ACSL5: variants seen among roughly 807,000 people sequenced by gnomAD.
The protein encoded by ACSL5 is acyl-CoA synthetase long chain family member 5.
In ACSL5, 50 loss-of-function variants were observed where a neutral mutation model predicts 84.9. The ratio of observed to expected loss-of-function variants is 0.59; its 90% CI spans 0.47 to 0.75. The LOEUF is 0.75. ACSL5 is among the 30% of genes least tolerant of loss of function. The pLI is 0.00. For missense variants in ACSL5, 775 were observed against 830.4 expected (o/e 0.93, Z 0.82); for synonymous variants, 280 against 300.7 (o/e 0.93, Z 0.71).
At position 112,427,976 on chromosome 10, in the gene ACSL5, C is replaced by T. The variant is rs901718948; in HGVS notation, c.*618C>T. The T allele has an allele frequency of 5.8e-5, 9 of 154,788 alleles. No individual in the cohort carries two copies. The highest frequency in any genetic ancestry group is 1.9e-4 in the African/African-American group (8 of 41,584). 9.6% of individuals were successfully genotyped at this position (154,788 alleles called of 1,614,324 possible). A position where few individuals can be genotyped will look rare whatever the true frequency, so the allele number is the denominator to read the frequency against. On this transcript the variant is annotated 3_prime_UTR_variant, in exon 21 of 21. Coordinates refer to ENST00000354655, the MANE Select transcript of ACSL5 (RefSeq NM_203379.2). ...TTGATCATACCAAACATTTCCTAAA[C>T]TCTCTAGTTAGATATCTGACTTGGG...
chr10:112,396,810 G>T (rs1243762212), intron 2 of ACSL5, among the ~76,000 whole-genome samples: 1 of 151,990 alleles, frequency 6.6e-6, no homozygotes, highest in Non-Finnish European at 1.5e-5. Flanking sequence ...CCTTGACTAG[G>T]CACTTAAACA....
intron 1 of ACSL5, among the ~76,000 whole-genome samples, chr10:112,392,788 A>G (rs1843672211): frequency 6.6e-6 from 1 of 151,686 alleles, no homozygotes; most frequent in African/African-American, 2.4e-5. Context: ...GGTGGCACAC[A>G]CCTGTAGTCC....
In ACSL5 at chr10:112,406,257, G is replaced by A. The variant is rs552796823; in HGVS notation, c.432+1451G>A. On this transcript the variant is annotated intron_variant, in intron 5 of 20. Transcript: ENST00000354655. Reference sequence around the variant, plus strand: ...TGTCAGCAGGTTTAGCTTCTCCCGAGGCCTCTCTCCTTGACTTGTAGACAG... The same window carrying A: ...TGTCAGCAGGTTTAGCTTCTCCCGAAGCCTCTCTCCTTGACTTGTAGACAG... The A allele has an allele frequency of 2.6e-5, 4 of 152,236 alleles. No individual in the cohort carries two copies. The Middle Eastern group carries it at 0.014, about 514-fold the overall frequency. 9.4% of individuals were successfully genotyped at this position (152,236 alleles called of 1,614,324 possible). A position where few individuals can be genotyped will look rare whatever the true frequency, so the allele number is the denominator to read the frequency against.
chr10:112,410,536 A>C, intron 8 of ACSL5, 41 bp downstream of exon 8: 1 of 1,614,150 alleles, frequency 6.2e-7, no homozygotes, highest in Non-Finnish European at 8.5e-7. Context: ...TGCCATAGTC[A>C]ACTCTCAAAG....
At chr10:112,408,295 T>C (rs1413360589) in intron 5 of ACSL5, 127 bp from the exon 6 acceptor site, 1 of 586,248 alleles carries the variant, frequency 1.7e-6, no homozygotes, top group African/African-American at 2.2e-5. Flanking sequence ...TGAGGCACTG[T>C]CTCAAAAAAA....
intron 3 of ACSL5, among the ~76,000 whole-genome samples, chr10:112,402,579 G>A (rs1843933899): frequency 6.6e-6 from 1 of 152,140 alleles, no homozygotes; most frequent in African/African-American, 2.4e-5. Context: ...TCATGCAGCT[G>A]TTTCAATTGG....
chr10:112,423,686 T>C (rs1844564580), intron 17 of ACSL5, among the ~76,000 whole-genome samples: 2 of 152,162 alleles, frequency 1.3e-5, no homozygotes, highest in South Asian at 4.1e-4. Flanking sequence ...CAGGTAGACC[T>C]GCACATCAGA....
intron 3 of ACSL5, among the ~76,000 whole-genome samples, chr10:112,400,544 G>T (rs1381259798): frequency 6.6e-6 from 1 of 151,636 alleles, no homozygotes; most frequent in Non-Finnish European, 1.5e-5. Flanking sequence ...GAGTAGCTGG[G>T]ATTACAGGCA....
chr10:112,408,482 A>C lies in ACSL5; in HGVS notation c.493A>C (p.Thr165Pro). 6.2e-7 allele frequency: 1 copy of C among 1,613,662 alleles called. No individual in the cohort carries two copies. The highest frequency in any genetic ancestry group is 8.5e-7 in the Non-Finnish European group (1 of 1,179,596). Reference sequence around the variant, plus strand: ...TATGGTAGCTGTACCTCTGTATGACACCTTGGGACCAGAAGCCATCGTACA... The same window carrying C: ...TATGGTAGCTGTACCTCTGTATGACCCCTTGGGACCAGAAGCCATCGTACA... ...YSMVAVPLYD[T>P]LGPEAIVHIV... Residue 165 changes from threonine (T) to proline (P), a missense_variant, in exon 6 of 21, where the codon ACC (threonine) becomes CCC (proline). Thr to Pro is a conservative substitution (Grantham distance 38). Coordinates refer to ENST00000354655, the MANE Select transcript of ACSL5 (RefSeq NM_203379.2).
intron 11 of ACSL5, 104 bp downstream of exon 11, chr10:112,412,083 G>A (rs946010549): frequency 1.7e-6 from 2 of 1,200,410 alleles, no homozygotes; most frequent in African/African-American, 3.0e-5. Flanking sequence ...TCTTTCTCCG[G>A]TGTGAGAGGT....
intron 1 of ACSL5, among the ~76,000 whole-genome samples, chr10:112,378,809 C>T (rs542168864): frequency 6.6e-6 from 1 of 152,206 alleles, no homozygotes; most frequent in Non-Finnish European, 1.5e-5. Context: ...AAGGGACTCT[C>T]TCACCAACTT....
At chr10:112,416,199 T>C (rs111776869) in intron 12 of ACSL5, among the ~76,000 whole-genome samples, 2,776 of 152,054 alleles carry the variant, frequency 0.018, 34 homozygotes, top group Non-Finnish European at 0.029. Context: ...GGGCCGGGCG[T>C]GGTGGCTCAC....
At position 112,394,899 on chromosome 10, in the gene ACSL5, C is replaced by G; in HGVS notation, c.-29-19C>G. 1.2e-6 allele frequency: 2 copies of G among 1,608,552 alleles called. No homozygotes were observed. The highest frequency in any genetic ancestry group is 1.7e-6 in the Non-Finnish European group (2 of 1,178,656). ...TGGCCATTTCCTCTAAATTTTCTTT[C>G]CCCTGTTTTTTTTTTAAGGTCTGAA... is the stretch of plus-strand genomic sequence containing the variant. On this transcript the variant is annotated intron_variant, in intron 1 of 20. Coordinates refer to ENST00000354655, the MANE Select transcript of ACSL5 (RefSeq NM_203379.2).
At chr10:112,392,905 A>G (rs7097655) in intron 1 of ACSL5, among the ~76,000 whole-genome samples, 1,880 of 152,108 alleles carry the variant, frequency 0.012, 35 homozygotes, top group African/African-American at 0.043. Flanking sequence ...ACAGAGTAAG[A>G]CCGTGTCTCA....
chr10:112,421,582 T>C lies in ACSL5; in HGVS notation c.1315-11T>C, dbSNP rs183658391. On this transcript the variant is annotated splice_polypyrimidine_tract_variant and intron_variant, in intron 14 of 20. Transcript: ENST00000354655. ...TTGAGTAAGTCTAAAAGCTCTTCTT[T>C]GGTTTCCCAGGTGTATGAAGCTTAT... 51 of 1,613,588 alleles carry C rather than the reference T, an allele frequency of 3.2e-5. No individual in the cohort carries two copies. Among genetic ancestry groups the C allele is most frequent in the Admixed American group, 1.3e-4 (8 of 60,022 alleles).
chr10:112,409,621 A>C lies in ACSL5; in HGVS notation c.647A>C (p.Asp216Ala). The change falls in exon 7 of 21, where the codon GAT becomes GCT. Residue 216 changes from aspartate (D) to alanine (A), a missense_variant. Physicochemically the swap from Asp to Ala is moderately radical, Grantham distance 126 (BLOSUM62 -2). Coordinates refer to ENST00000354655, the MANE Select transcript of ACSL5 (RefSeq NM_203379.2). ...GTGATCATCCTTATGGACCCCTTTG[A>C]TGATGACCTGAAGCAAAGAGGGGAG... is the stretch of plus-strand genomic sequence containing the variant. ...LKVIILMDPF[D>A]DDLKQRGEKS... 1 of 1,614,178 alleles carries C rather than the reference A, an allele frequency of 6.2e-7. No homozygotes were observed. The highest frequency in any genetic ancestry group is 8.5e-7 in the Non-Finnish European group (1 of 1,180,012).
At chr10:112,418,256 A>G (rs1288703514) in intron 14 of ACSL5, among the ~76,000 whole-genome samples, 1 of 152,092 alleles carries the variant, frequency 6.6e-6, no homozygotes, top group Non-Finnish European at 1.5e-5. Context: ...AGGATTGCCT[A>G]CCCCCATGGC....
At chr10:112,383,703 G>T (rs1283918326) in intron 1 of ACSL5, among the ~76,000 whole-genome samples, 1 of 152,212 alleles carries the variant, frequency 6.6e-6, no homozygotes, top group Non-Finnish European at 1.5e-5. Context: ...CAAAGCTGAG[G>T]TGTACACTTA....
chr10:112,401,469 G>A (rs574398247), intron 3 of ACSL5, among the ~76,000 whole-genome samples: 1 of 152,350 alleles, frequency 6.6e-6, no homozygotes, highest in Admixed American at 6.5e-5. Flanking sequence ...TTAGTTTAGA[G>A]GGACAACTTT....
Sources: allele counts gnomAD v4.1 joint callset (sites outside exome capture counted in the v4.1 genomes callset), GRCh38; gene constraint gnomAD v4.1.1; transcripts MANE v1.5; gene names NCBI Gene and HGNC (gene_info 2026-07-23, HGNC 2026-07-21).